PAN3: variants seen among roughly 807,000 people sequenced by gnomAD.
PAN3 encodes the protein poly(A) specific ribonuclease subunit PAN3.
A neutral mutation model predicts 96.2 loss-of-function variants in PAN3; 19 were observed. That is an observed-to-expected ratio of 0.20 (90% confidence interval 0.14 to 0.29). The LOEUF (loss-of-function observed/expected upper bound fraction) is 0.29, where lower values mean the gene tolerates loss of function less well. PAN3 is among the 10% of genes least tolerant of loss of function. PAN3 has a pLI of 1.00. For synonymous variants in PAN3, 433 were observed against 406.6 expected (o/e 1.06, Z -0.78); for missense variants, 882 against 1,108.1 (o/e 0.80, Z 2.90).
At chr13:28,252,879 T>G (rs1366814671) in intron 6 of PAN3, among the ~76,000 whole-genome samples, 1 of 152,192 alleles carries the variant, frequency 6.6e-6, no homozygotes, top group Non-Finnish European at 1.5e-5. Context: ...TATGTATTAC[T>G]ATATTTGCTG....
intron 6 of PAN3, among the ~76,000 whole-genome samples, chr13:28,232,337 G>A (rs1444229980): frequency 1.3e-5 from 2 of 152,148 alleles, no homozygotes; most frequent in Non-Finnish European, 2.9e-5. Context: ...GAATCTAGAT[G>A]TTGGATACTT....
chr13:28,199,171 G>T (rs1018828428), intron 5 of PAN3, among the ~76,000 whole-genome samples: 2 of 151,952 alleles, frequency 1.3e-5, no homozygotes, highest in African/African-American at 4.8e-5. Context: ...AAGGTCTGAA[G>T]AAAAAAATTG....
intron 6 of PAN3, among the ~76,000 whole-genome samples, chr13:28,239,162 A>AACACACACAC (rs71086840): frequency 0.011 from 880 of 76,780 alleles, 10 homozygotes; most frequent in African/African-American, 0.033. Flanking sequence ...CACCCCCGCC[A>AACACACACAC]ACACACACAC....
chr13:28,281,366 A>G lies in PAN3; in HGVS notation c.2371A>G (p.Asn791Asp), dbSNP rs748576125. ...GCTCCTAGCAAAATTGGGAACAATC[A>G]ATGAGAGGCCGGAGTAAGGATTTAC... is the stretch of plus-strand genomic sequence containing the variant. ...FRLLAKLGTINERPEFQKDPT... is the reference protein window; with the variant it reads ...FRLLAKLGTIDERPEFQKDPT... The change falls in exon 17 of 19, where the codon AAT becomes GAT. Residue 791 changes from asparagine (N) to aspartate (D), a missense_variant. By Grantham distance (23) the Asn-to-Asp change is conservative (BLOSUM62 1). Transcript: ENST00000380958. The G allele has an allele frequency of 1.2e-6, 2 of 1,609,952 alleles. No homozygotes were observed. Among genetic ancestry groups the G allele is most frequent in the Admixed American group, 3.3e-5 (2 of 60,010 alleles).
intron 9 of PAN3, among the ~76,000 whole-genome samples, chr13:28,264,333 G>A (rs918003681): frequency 2.0e-5 from 3 of 152,200 alleles, no homozygotes; most frequent in African/African-American, 7.2e-5. Context: ...GAGGTCAGAA[G>A]TTTGAGACCA....
At chr13:28,215,999 T>G in intron 5 of PAN3, 1 of 686,992 alleles carries the variant, frequency 1.5e-6, no homozygotes, top group East Asian at 2.5e-5. Context: ...AGTAAAAGAC[T>G]GGTTAAAGAT....
At chr13:28,260,574 A>G in intron 8 of PAN3, 23 bp downstream of exon 8, 1 of 1,545,112 alleles carries the variant, frequency 6.5e-7, no homozygotes, top group Non-Finnish European at 8.9e-7. Context: ...AATTCATAGT[A>G]GGAATACTTA....
At chr13:28,186,082 C>T (rs768753252) in intron 4 of PAN3, among the ~76,000 whole-genome samples, 2 of 152,122 alleles carry the variant, frequency 1.3e-5, no homozygotes, top group African/African-American at 4.8e-5. Flanking sequence ...ATTTGTTGTC[C>T]TTGTATTTTG....
intron 4 of PAN3, among the ~76,000 whole-genome samples, chr13:28,188,332 A>C (rs978637745): frequency 6.6e-5 from 10 of 152,152 alleles, no homozygotes; most frequent in African/African-American, 2.2e-4. Flanking sequence ...ATCTGCAATT[A>C]TAAGAATTAA....
At chr13:28,216,150 C>G (rs775285041) in intron 5 of PAN3, among the ~76,000 whole-genome samples, 3 of 148,086 alleles carry the variant, frequency 2.0e-5, no homozygotes, top group African/African-American at 7.5e-5. Context: ...ACAACTTGAC[C>G]GAAATTCTGT....
chr13:28,187,432 G>A (rs180673458), intron 4 of PAN3, among the ~76,000 whole-genome samples: 1 of 152,276 alleles, frequency 6.6e-6, no homozygotes, highest in African/African-American at 2.4e-5. Flanking sequence ...TAAAGCACAA[G>A]GATATAAGAA....
At chr13:28,172,381 A>C (rs1170600885) in intron 1 of PAN3, among the ~76,000 whole-genome samples, 2 of 152,044 alleles carry the variant, frequency 1.3e-5, no homozygotes, top group African/African-American at 4.8e-5. Context: ...GTGTGAACCC[A>C]GGGGGCGAAG....
intron 5 of PAN3, among the ~76,000 whole-genome samples, chr13:28,206,571 C>A (rs1020569905): frequency 1.3e-5 from 2 of 152,032 alleles, no homozygotes; most frequent in African/African-American, 4.8e-5. Flanking sequence ...ATCCAGCTGC[C>A]TCAGCCACCC....
chr13:28,251,648 T>C (rs1192180314), intron 6 of PAN3, among the ~76,000 whole-genome samples: 1 of 152,198 alleles, frequency 6.6e-6, no homozygotes, highest in Non-Finnish European at 1.5e-5. Flanking sequence ...TTCTATGAGC[T>C]GATAGAAATG....
chr13:28,262,446 T>C (rs969110280), intron 9 of PAN3, among the ~76,000 whole-genome samples: 1 of 152,202 alleles, frequency 6.6e-6, no homozygotes, highest in African/African-American at 2.4e-5. Flanking sequence ...GTCTCTTGAT[T>C]GCTAAAGAAT....
rs1880655288 is a variant in PAN3, at chr13:28,215,630, G to A, written c.853-4601G>A. 5 of 1,192,986 alleles carry A rather than the reference G, an allele frequency of 4.2e-6. No homozygotes were observed. The East Asian group carries it at 1.0e-4, about 24-fold the overall frequency. 73.9% of individuals were successfully genotyped at this position (1,192,986 alleles called of 1,614,324 possible). On this transcript the variant is annotated intron_variant, in intron 5 of 18. Coordinates refer to ENST00000380958, the MANE Select transcript of PAN3 (RefSeq NM_175854.8). ...CCCATGTTGCATCCAGGTTTGCTGA[G>A]CTGAAGGTAAAGATTTATTGCCATT...
At chr13:28,151,407 C>T (rs538034426) in intron 1 of PAN3, among the ~76,000 whole-genome samples, 58 of 151,954 alleles carry the variant, frequency 3.8e-4, no homozygotes, top group African/African-American at 1.3e-3. Flanking sequence ...CCCAGCTACT[C>T]GGCAGGCTGA....
At chr13:28,283,641 A>G (rs79110546) in intron 17 of PAN3, among the ~76,000 whole-genome samples, 3,641 of 152,272 alleles carry the variant, frequency 0.024, 152 homozygotes, top group African/African-American at 0.082. Context: ...TTCTATTTAG[A>G]TATGTTTAGT....
intron 6 of PAN3, among the ~76,000 whole-genome samples, chr13:28,250,194 C>A (rs115251796): frequency 6.6e-6 from 1 of 150,422 alleles, no homozygotes; most frequent in Non-Finnish European, 1.5e-5. Context: ...TTATTTTGCT[C>A]AGAACTCTTT....
Sources: gnomAD v4.1 joint callset for allele counts (sites outside exome capture counted in the v4.1 genomes callset) on GRCh38, gnomAD v4.1.1 for gene constraint, MANE v1.5 for transcripts, NCBI Gene and HGNC (gene_info 2026-07-23, HGNC 2026-07-21) for gene names.